DNM3: variants seen among roughly 807,000 people sequenced by gnomAD.
DNM3 encodes dynamin 3.
DNM3 carries 47 observed loss-of-function variants against 101.6 expected under a neutral mutation model. The ratio of observed to expected loss-of-function variants is 0.46; its 90% CI spans 0.37 to 0.59. The LOEUF is 0.59. Ranked by LOEUF, DNM3 falls within the 20% of genes least tolerant of loss-of-function variation. DNM3 has a pLI of 0.00. For missense variants in DNM3, 849 were observed against 1,085.7 expected (o/e 0.78, Z 3.06); for synonymous variants, 385 against 387.9 (o/e 0.99, Z 0.09).
chr1:172,055,092 A>G (rs1167303648), intron 10 of DNM3, among the ~76,000 whole-genome samples: 2 of 152,106 alleles, frequency 1.3e-5, no homozygotes, highest in African/African-American at 4.8e-5. Context: ...ACATAACTAA[A>G]CAAGTGAATC....
chr1:171,968,463 A>G (rs1363591720), intron 2 of DNM3, among the ~76,000 whole-genome samples: 1 of 152,208 alleles, frequency 6.6e-6, no homozygotes, highest in Non-Finnish European at 1.5e-5. Flanking sequence ...AAAACCAAAA[A>G]AGGCTGGGTT....
At chr1:171,889,423 G>A (rs115249293) in intron 1 of DNM3, among the ~76,000 whole-genome samples, 88 of 152,234 alleles carry the variant, frequency 5.8e-4, no homozygotes, top group African/African-American at 2.0e-3. Context: ...AAAAAATCAA[G>A]GTAGGGGCAT....
intron 2 of DNM3, among the ~76,000 whole-genome samples, chr1:171,939,816 T>C (rs188525765): frequency 1.3e-5 from 2 of 152,316 alleles, no homozygotes; most frequent in African/African-American, 4.8e-5. Context: ...TTCTTACTCT[T>C]ATTGCTTCCC....
chr1:172,034,312 G>A (rs1313396852), intron 6 of DNM3, among the ~76,000 whole-genome samples: 1 of 152,034 alleles, frequency 6.6e-6, no homozygotes, highest in Non-Finnish European at 1.5e-5. Flanking sequence ...ATATTTTTGA[G>A]AAGGAGCATT....
At position 171,866,607 on chromosome 1, in the gene DNM3, A is replaced by C. The variant is rs555153716; in HGVS notation, c.161+24790A>C. Among the ~76,000 whole-genome samples, 11 of 152,166 alleles carry C rather than the reference A, an allele frequency of 7.2e-5. No individual in the cohort carries two copies. In the South Asian group the frequency reaches 2.3e-3, roughly 32 times the overall value. The stretch of plus-strand genomic sequence containing the variant: ...TTATGTAGAAGAATTGGTAAATTGA[A>C]GTTGACATATTGCTTCCTCTATAAA... On this transcript the variant is annotated intron_variant, in intron 1 of 20. Transcript: ENST00000627582.
At chr1:171,923,119 G>A (rs896798839) in intron 2 of DNM3, among the ~76,000 whole-genome samples, 1 of 152,192 alleles carries the variant, frequency 6.6e-6, no homozygotes, top group Non-Finnish European at 1.5e-5. Flanking sequence ...TTAAGGAACT[G>A]ACAGACTGTT....
chr1:172,212,688 C>G (rs3915514), intron 14 of DNM3, among the ~76,000 whole-genome samples: 11,958 of 152,024 alleles, frequency 0.079, 562 homozygotes, highest in Middle Eastern at 0.13. Context: ...TCAACTTATG[C>G]TCTTAGAAAT....
At chr1:172,322,822 CT>C (rs112152513) in intron 16 of DNM3, among the ~76,000 whole-genome samples, 6,236 of 145,074 alleles carry the variant, frequency 0.043, 384 homozygotes, top group African/African-American at 0.13. Context: ...TCTTTTCCTT[CT>C]TTTTTTTTTT....
intron 4 of DNM3, among the ~76,000 whole-genome samples, chr1:172,002,501 T>C (rs950636219): frequency 1.3e-5 from 2 of 152,098 alleles, no homozygotes; most frequent in Non-Finnish European, 2.9e-5. Flanking sequence ...ATGTTATAAT[T>C]CAGCTTGTTT....
At chr1:172,023,700 A>G (rs1294663115) in intron 4 of DNM3, among the ~76,000 whole-genome samples, 4 of 152,116 alleles carry the variant, frequency 2.6e-5, no homozygotes, top group Admixed American at 2.6e-4. Context: ...TGTTCAATCC[A>G]TAAATTCCTA....
intron 10 of DNM3, among the ~76,000 whole-genome samples, chr1:172,062,321 ATTAC>A (rs1381450893): frequency 6.6e-6 from 1 of 152,082 alleles, no homozygotes; most frequent in Non-Finnish European, 1.5e-5. Flanking sequence ...TGTTTTCTGA[ATTAC>A]TTAAGTAAGA....
chr1:172,233,449 T>G (rs2061416708), intron 14 of DNM3, among the ~76,000 whole-genome samples: 1 of 152,162 alleles, frequency 6.6e-6, no homozygotes, highest in Non-Finnish European at 1.5e-5. Context: ...ACAACCGAAT[T>G]CTACCAGAGG....
chr1:172,372,021 C>T (rs953228994), intron 17 of DNM3, among the ~76,000 whole-genome samples: 42 of 146,748 alleles, frequency 2.9e-4, no homozygotes, highest in African/African-American at 9.5e-4. Context: ...CCCACTAACT[C>T]GTCATCTAGC....
intron 1 of DNM3, among the ~76,000 whole-genome samples, chr1:171,883,304 G>T (rs1470665156): frequency 6.7e-6 from 1 of 150,066 alleles, no homozygotes; most frequent in Non-Finnish European, 1.5e-5. Flanking sequence ...TAATGCTAGA[G>T]GTTTGAGATT....
chr1:171,951,128 TA>T (rs998992414), intron 2 of DNM3, among the ~76,000 whole-genome samples: 1 of 152,234 alleles, frequency 6.6e-6, no homozygotes, highest in African/African-American at 2.4e-5. Flanking sequence ...TTGTAAACTC[TA>T]TTTGCCTCAT....
At chr1:172,083,277 T>TGG (rs36090002) in intron 12 of DNM3, among the ~76,000 whole-genome samples, 3 of 151,634 alleles carry the variant, frequency 2.0e-5, no homozygotes, top group African/African-American at 7.3e-5. Context: ...CTATAGTGGG[T>TGG]GGGGGGGGAA....
At chr1:172,279,648 C>G (rs2063413006) in intron 15 of DNM3, among the ~76,000 whole-genome samples, 1 of 152,126 alleles carries the variant, frequency 6.6e-6, no homozygotes, top group African/African-American at 2.4e-5. Flanking sequence ...CCTCCAATCT[C>G]CCAGTTGCTC....
At chr1:172,027,482 C>G (rs1351958736) in intron 4 of DNM3, among the ~76,000 whole-genome samples, 1 of 151,818 alleles carries the variant, frequency 6.6e-6, no homozygotes, top group African/African-American at 2.4e-5. Flanking sequence ...TCAGGAGGCT[C>G]AGGCAGGAGA....
intron 13 of DNM3, among the ~76,000 whole-genome samples, chr1:172,116,429 C>T (rs913327208): frequency 1.3e-5 from 2 of 152,218 alleles, no homozygotes; most frequent in South Asian, 2.1e-4. Flanking sequence ...CTGAGACAGT[C>T]CCTATCCAGT....
Sources: gnomAD v4.1 joint callset for allele counts (sites outside exome capture counted in the v4.1 genomes callset) on GRCh38, gnomAD v4.1.1 for gene constraint, MANE v1.5 for transcripts, NCBI Gene and HGNC (gene_info 2026-07-23, HGNC 2026-07-21) for gene names.